Variants in KSR2 observed in about 807,000 individuals in gnomAD.
The protein encoded by KSR2 is kinase suppressor of ras 2.
In KSR2, 25 loss-of-function variants were observed where a neutral mutation model predicts 107.8. The ratio of observed to expected loss-of-function variants is 0.23; its 90% CI spans 0.17 to 0.32. KSR2 has a LOEUF of 0.32. Ranked by LOEUF, KSR2 falls within the 10% of genes least tolerant of loss-of-function variation. The pLI is 1.00. For missense variants in KSR2, 887 were observed against 1,268.9 expected (o/e 0.70, Z 4.57); for synonymous variants, 480 against 507.0 (o/e 0.95, Z 0.71).
At chr12:117,898,882 A>T (rs990735262) in intron 1 of KSR2, among the ~76,000 whole-genome samples, 9 of 152,314 alleles carry the variant, frequency 5.9e-5, no homozygotes, top group African/African-American at 2.2e-4. Flanking sequence ...AATCAAAATA[A>T]TTGAATTCTT....
chr12:117,587,596 C>T (rs939543889), intron 5 of KSR2, among the ~76,000 whole-genome samples: 5 of 152,072 alleles, frequency 3.3e-5, no homozygotes, highest in Non-Finnish European at 7.4e-5. Context: ...AGTTGGTGGC[C>T]GTTTGTCACA....
chr12:117,685,198 T>A (rs1046028539), intron 4 of KSR2, among the ~76,000 whole-genome samples: 3 of 152,220 alleles, frequency 2.0e-5, no homozygotes, highest in South Asian at 2.1e-4. Context: ...TTAGGCCTGA[T>A]CTGTGTTGGC....
At position 117,882,159 on chromosome 12, in the gene KSR2, G is replaced by T. The variant is rs78107675; in HGVS notation, c.181-21728C>A. On this transcript the variant is annotated intron_variant, in intron 1 of 19. Coordinates refer to ENST00000339824, the MANE Select transcript of KSR2 (RefSeq NM_173598.6). ...AGAGTCCAGTGGAGCAGACAGGGAC[G>T]TGCACAGCTCCCTCAGCACACTGCA... Among the ~76,000 whole-genome samples, 1,089 of 152,262 alleles carry T rather than the reference G, an allele frequency of 7.2e-3. 42 individuals carry two copies. The East Asian group carries it at 0.12, about 17-fold the overall frequency.
Position 117,761,381 on chromosome 12 carries a change from C to G in KSR2, c.616G>C (p.Val206Leu). The G allele has an allele frequency of 1.2e-6, 2 of 1,604,302 alleles. No homozygotes were observed. Among genetic ancestry groups the G allele is most frequent in the Non-Finnish European group, 1.7e-6 (2 of 1,177,342 alleles). ...GGGCTGGTGTGACAATAGTGCTGGA[C>G]GCACTTGGACGGGACCCTGGGGCTC... ...SQSPRVPSKC[V>L]QHYCHTSPTP... The change falls in exon 4 of 20, where the codon GTC (valine) becomes CTC (leucine). Residue 206 changes from valine (V) to leucine (L), a missense_variant. Physicochemically the swap from Val to Leu is conservative, Grantham distance 32 (BLOSUM62 1). Around this residue, in one of 8 missense-constraint regions of KSR2, gnomAD observed 399 missense variants for 479.5 expected, o/e 0.83. Transcript: ENST00000339824.
intron 3 of KSR2, among the ~76,000 whole-genome samples, chr12:117,822,523 C>T (rs1342281939): frequency 6.6e-6 from 1 of 152,250 alleles, no homozygotes; most frequent in Non-Finnish European, 1.5e-5. Flanking sequence ...ACCTACCACA[C>T]ATCATAGCTC....
intron 5 of KSR2, among the ~76,000 whole-genome samples, chr12:117,656,981 GAT>G (rs59605571): frequency 0.07 from 6,799 of 97,810 alleles, 263 homozygotes; most frequent in Middle Eastern, 0.1. Flanking sequence ...TATATAATAG[GAT>G]ATATATATAT....
chr12:117,743,210 A>C (rs554872344), intron 4 of KSR2, among the ~76,000 whole-genome samples: 2 of 152,352 alleles, frequency 1.3e-5, no homozygotes, highest in South Asian at 4.1e-4. Flanking sequence ...TACACCGTTT[A>C]GGTTTTCAGC....
At chr12:117,877,116 C>T (rs985485765) in intron 1 of KSR2, among the ~76,000 whole-genome samples, 11 of 152,146 alleles carry the variant, frequency 7.2e-5, no homozygotes, top group African/African-American at 2.7e-4. Context: ...GCAGGTGGAT[C>T]ACTTGAGGTC....
chr12:117,715,723 C>A (rs556699753), intron 4 of KSR2, among the ~76,000 whole-genome samples: 1 of 152,278 alleles, frequency 6.6e-6, no homozygotes, highest in South Asian at 2.1e-4. Context: ...ACAGACAATA[C>A]AAAATGAATG....
intron 5 of KSR2, among the ~76,000 whole-genome samples, chr12:117,611,720 T>G (rs1337290470): frequency 6.6e-6 from 1 of 152,186 alleles, no homozygotes; most frequent in Admixed American, 6.5e-5. Flanking sequence ...ACTCCTATTC[T>G]ACTGGAGAAG....
At position 117,463,642 on chromosome 12, in the gene KSR2, C is replaced by T. The variant is rs1446018278; in HGVS notation, c.*3557G>A. The T allele has an allele frequency of 2.0e-5, 3 of 152,080 alleles. No individual in the cohort carries two copies. Among genetic ancestry groups the T allele is most frequent in the Middle Eastern group, 6.8e-3 (2 of 294 alleles). 9.4% of individuals were successfully genotyped at this position (152,080 alleles called of 1,614,324 possible). On this transcript the variant is annotated 3_prime_UTR_variant, in exon 20 of 20. Coordinates refer to ENST00000339824, the MANE Select transcript of KSR2 (RefSeq NM_173598.6). Reference sequence around the variant, plus strand: ...TTCCTCAATTAAAACATGTAAAAACCATTTGGCAGGCTGGGTATGGCCTAT... The same window carrying T: ...TTCCTCAATTAAAACATGTAAAAACTATTTGGCAGGCTGGGTATGGCCTAT...
chr12:117,931,662 A>G (rs1314520116), intron 1 of KSR2, among the ~76,000 whole-genome samples: 1 of 152,230 alleles, frequency 6.6e-6, no homozygotes, highest in Admixed American at 6.5e-5. Flanking sequence ...TGCTTTAGGA[A>G]TTCAGTCTGC....
intron 1 of KSR2, among the ~76,000 whole-genome samples, chr12:117,910,032 A>T (rs1894967824): frequency 6.6e-6 from 1 of 152,078 alleles, no homozygotes; most frequent in Non-Finnish European, 1.5e-5. Context: ...GTTCGAAACC[A>T]ACCTGGGCAA....
At chr12:117,467,531 T>G (rs1871215527) in intron 19 of KSR2, among the ~76,000 whole-genome samples, 1 of 152,216 alleles carries the variant, frequency 6.6e-6, no homozygotes, top group African/African-American at 2.4e-5. Context: ...GGAGGTTAAG[T>G]GTTTTGCCAA....
In KSR2 at chr12:117,461,039, G is replaced by C. The variant is rs1280804160; in HGVS notation, c.*6160C>G. On this transcript the variant is annotated 3_prime_UTR_variant, in exon 20 of 20. Coordinates refer to ENST00000339824, the MANE Select transcript of KSR2 (RefSeq NM_173598.6). ...CCCTGTAATCCCAGTGCTTTGGGAGGCTGAAGCAGGGGGATTGCTTGAGAC... is the reference window on the plus strand; with the variant it reads ...CCCTGTAATCCCAGTGCTTTGGGAGCCTGAAGCAGGGGGATTGCTTGAGAC... 2 of 152,342 alleles carry C rather than the reference G, an allele frequency of 1.3e-5. No individual in the cohort carries two copies. The highest frequency in any genetic ancestry group is 2.9e-5 in the Non-Finnish European group (2 of 68,180). The allele number at this position is 152,342 out of a possible 1,614,324, so 9.4% of individuals were successfully genotyped here.
chr12:117,492,156 C>T (rs970555175), intron 14 of KSR2, among the ~76,000 whole-genome samples: 26 of 152,218 alleles, frequency 1.7e-4, no homozygotes, highest in African/African-American at 6.3e-4. Flanking sequence ...AGGCAGTACC[C>T]TCAAGGCTGC....
At chr12:117,896,458 A>T (rs1335560151) in intron 1 of KSR2, among the ~76,000 whole-genome samples, 7 of 135,652 alleles carry the variant, frequency 5.2e-5, no homozygotes, top group East Asian at 2.1e-4. Context: ...TTCGCACAAC[A>T]TTTTTTTTTT....
intron 7 of KSR2, among the ~76,000 whole-genome samples, chr12:117,574,811 T>C (rs1879167535): frequency 6.7e-6 from 1 of 149,618 alleles, no homozygotes; most frequent in Non-Finnish European, 1.5e-5. Context: ...CCAGGGACCA[T>C]GTGTAGAATA....
intron 3 of KSR2, among the ~76,000 whole-genome samples, chr12:117,796,780 C>T (rs1015945199): frequency 2.0e-5 from 3 of 152,158 alleles, no homozygotes; most frequent in Non-Finnish European, 4.4e-5. Flanking sequence ...CACTATGGCT[C>T]AATTAACCCC....
Sources: allele counts gnomAD v4.1 joint callset (sites outside exome capture counted in the v4.1 genomes callset), GRCh38; gene constraint gnomAD v4.1.1; regional missense constraint gnomAD v4.1.1; transcripts MANE v1.5; gene names NCBI Gene and HGNC (gene_info 2026-07-23, HGNC 2026-07-21).